LIMS2: variants seen among roughly 807,000 people sequenced by gnomAD.
LIMS2 encodes the protein LIM zinc finger domain containing 2, also known as LIM and senescent cell antigen-like-containing domain protein 2.
LIMS2 carries 30 observed loss-of-function variants against 45.3 expected under a neutral mutation model. That is an observed-to-expected ratio of 0.66 (90% CI 0.50 to 0.90). LIMS2 has a LOEUF of 0.90. Among genes scored for constraint, LIMS2 ranks in the 40% least tolerant of loss-of-function variants. The probability of loss-of-function intolerance (pLI) is 0.00; values close to 1 mark genes in which losing one functional copy is unlikely to be tolerated. For missense variants in LIMS2, 485 were observed against 468.7 expected, an observed-to-expected ratio of 1.03 and a Z score of -0.32; for synonymous variants, 173 against 188.0, an observed-to-expected ratio of 0.92 and a Z score of 0.65.
chr2:127,663,383 A>G (rs1684800977), intron 1 of LIMS2, among the ~76,000 whole-genome samples: 1 of 152,208 alleles, frequency 6.6e-6, no homozygotes, highest in Non-Finnish European at 1.5e-5. Context: ...GACTCCACAG[A>G]TGGCCGTGCT....
At position 127,654,513 on chromosome 2, in the gene LIMS2, G is replaced by A. The variant is rs367952043; in HGVS notation, c.270C>T (p.Ala90=). ...AGCCCGGGTGCCAGTTGTTGTTCAT[G>A]GCCTTGATGACGCGGCCAATGATGA... is the stretch of plus-strand genomic sequence containing the variant. ...GEFIIGRVIK[A]MNNNWHPGCF... is the part of the protein sequence containing the mutation. Residue 90 remains alanine, a synonymous_variant, in exon 4 of 10, where the codon GCC becomes GCT. Coordinates refer to ENST00000355119, the MANE Select transcript of LIMS2 (RefSeq NM_001161403.3). The A allele has an allele frequency of 3.7e-6, 6 of 1,614,030 alleles. No homozygotes were observed. Among genetic ancestry groups the A allele is most frequent in the Non-Finnish European group, 5.1e-6 (6 of 1,180,016 alleles).
At chr2:127,648,988 GGA>G (rs1469756330) in intron 4 of LIMS2, among the ~76,000 whole-genome samples, 140 of 25,246 alleles carry the variant, frequency 5.5e-3, no homozygotes, top group Non-Finnish European at 8.2e-3. Flanking sequence ...GGAGGGGAGG[GGA>G]GGGAGGGGAG....
Position 127,668,668 on chromosome 2 carries a change from C to CAAAAAAAAA in LIMS2, c.11+6337_11+6345dup, listed in dbSNP as rs70985469. On this transcript the variant is annotated intron_variant, in intron 1 of 9. Coordinates refer to ENST00000355119, the MANE Select transcript of LIMS2 (RefSeq NM_001161403.3). ...TGGGTGACAGAGTGAGACTCCGTCTCAAAAAAAAAAAAAAAAAAAAAAAAA... is the reference window on the plus strand; with the variant it reads ...TGGGTGACAGAGTGAGACTCCGTCTCAAAAAAAAAAAAAAAAAAAAAAAAAAAAAAAAAA... Among the ~76,000 whole-genome samples, 109 of 17,242 alleles carry CAAAAAAAAA rather than the reference C, an allele frequency of 6.3e-3. 14 individuals are homozygous for CAAAAAAAAA. Among genetic ancestry groups the CAAAAAAAAA allele is most frequent in the Non-Finnish European group, 7.6e-3 (69 of 9,046 alleles). The allele number at this position is 17,242 out of a possible 152,430, so 11.3% of individuals were successfully genotyped here.
intron 1 of LIMS2, 52 bp from the exon 2 acceptor site, chr2:127,657,614 G>A (rs1195522313): frequency 6.5e-7 from 1 of 1,532,574 alleles, no homozygotes; most frequent in Admixed American, 1.9e-5. Context: ...GGGTGCAGAT[G>A]GGGCACACGC....
At chr2:127,649,076 AAG>A (rs1216961172) in intron 4 of LIMS2, among the ~76,000 whole-genome samples, 2 of 134,176 alleles carry the variant, frequency 1.5e-5, no homozygotes, top group East Asian at 4.2e-4. Flanking sequence ...AGGAAGGAAA[AAG>A]AAAAGAAAAA....
chr2:127,675,244 G>A lies in LIMS2; in HGVS notation c.-220C>T, dbSNP rs1685458335. On this transcript the variant is annotated 5_prime_UTR_variant, in exon 1 of 10. Transcript: ENST00000355119. ...TGGGGAGGTCAAGGCTGAGGGTGGT[G>A]GGGGTGTTGGGGAGGTGACGGTGGG... 1.3e-5 allele frequency: 4 copies of A among 308,096 alleles called. No homozygotes were observed. The highest frequency in any genetic ancestry group is 4.6e-5 in the African/African-American group (2 of 43,552). The allele number at this position is 308,096 out of a possible 1,614,324, so 19.1% of individuals were successfully genotyped here. A position where few individuals can be genotyped will look rare whatever the true frequency, so the allele number is the denominator to read the frequency against.
chr2:127,651,239 G>A (rs780800290), intron 4 of LIMS2: 2 of 1,607,078 alleles, frequency 1.2e-6, no homozygotes, highest in Middle Eastern at 1.7e-4. Context: ...CGCTGCTGGT[G>A]AGCCCACAGA....
At chr2:127,650,057 G>A in intron 4 of LIMS2, 1 of 1,607,736 alleles carries the variant, frequency 6.2e-7, no homozygotes. Flanking sequence ...GCCCCCAAGA[G>A]AGATGCTGAA....
intron 4 of LIMS2, chr2:127,650,214 G>A (rs1342459177): frequency 6.7e-6 from 5 of 745,050 alleles, no homozygotes; most frequent in Non-Finnish European, 1.1e-5. Flanking sequence ...GCACCTGTGG[G>A]CAGGTGGGTC....
chr2:127,640,131 T>C lies in LIMS2; in HGVS notation c.817A>G (p.Asn273Asp). The change falls in exon 9 of 10, where the codon AAC (asparagine) becomes GAC (aspartate). Residue 273 changes from asparagine (N) to aspartate (D), a missense_variant. Coordinates refer to ENST00000355119, the MANE Select transcript of LIMS2 (RefSeq NM_001161403.3). ...VIEGDVVSALNKAWCVSCFSC... is the reference protein window; with the variant it reads ...VIEGDVVSALDKAWCVSCFSC... The stretch of plus-strand genomic sequence containing the variant: ...AAGCAGCTCACACACCAGGCCTTGT[T>C]GAGGGCCGACACCACTGTGAGGGAA... The C allele has an allele frequency of 6.2e-7, 1 of 1,613,406 alleles. No individual in the cohort carries two copies. Among genetic ancestry groups the C allele is most frequent in the Admixed American group, 1.7e-5 (1 of 60,024 alleles).
Position 127,670,378 on chromosome 2 carries a change from A to C in LIMS2, c.11+4636T>G, listed in dbSNP as rs530694427. ...TAATAAATGAAAGAAGCCAGGCACAAAAGGCTATATAATATATGGCTCCAT... is the reference window on the plus strand; with the variant it reads ...TAATAAATGAAAGAAGCCAGGCACACAAGGCTATATAATATATGGCTCCAT... On this transcript the variant is annotated intron_variant, in intron 1 of 9. Coordinates refer to ENST00000355119, the MANE Select transcript of LIMS2 (RefSeq NM_001161403.3). 2.6e-5 allele frequency among the ~76,000 whole-genome samples: 4 copies of C among 152,362 alleles called. No homozygotes were observed. The South Asian group carries it at 8.3e-4, about 32-fold the overall frequency.
chr2:127,672,359 T>G lies in LIMS2; in HGVS notation c.11+2655A>C, dbSNP rs1350555455. On this transcript the variant is annotated intron_variant, in intron 1 of 9. Transcript: ENST00000355119. This position sits in a 1 kb window ranked among gnomAD's most constrained non-coding sequence, Gnocchi z 4.9. ...TCTCTTCCCACGGCGTGCCACCCCA[T>G]GCTCTGGGCTGCCTTCACTCCCTGC... Among the ~76,000 whole-genome samples the G allele has an allele frequency of 6.6e-6, 1 of 152,140 alleles. No individual in the cohort carries two copies. The highest frequency in any genetic ancestry group is 6.5e-5 in the Admixed American group (1 of 15,276).
intron 3 of LIMS2, 119 bp from the exon 4 acceptor site, chr2:127,654,663 G>A (rs912641635): frequency 2.0e-5 from 31 of 1,525,462 alleles, no homozygotes; most frequent in South Asian, 7.2e-5. Flanking sequence ...GGGCTCCCTC[G>A]TGGGATGGTG....
chr2:127,650,487 C>T (rs535593551), intron 4 of LIMS2: 19 of 566,528 alleles, frequency 3.4e-5, no homozygotes, highest in Middle Eastern at 4.7e-4. Context: ...TGCATAGCGG[C>T]GAAATTCCAA....
chr2:127,679,512 G>T (rs892083512), upstream of LIMS2, among the ~76,000 whole-genome samples: 1 of 152,088 alleles, frequency 6.6e-6, no homozygotes, highest in Non-Finnish European at 1.5e-5. The surrounding 1 kb of genome is among the most constrained non-coding windows in gnomAD (Gnocchi z 5.3). Context: ...AGAAGGTGAA[G>T]GAGGTGCAGC....
chr2:127,659,645 C>T (rs1205478481), intron 1 of LIMS2, among the ~76,000 whole-genome samples: 1 of 152,224 alleles, frequency 6.6e-6, no homozygotes, highest in Non-Finnish European at 1.5e-5. Flanking sequence ...AGTCGGAAAT[C>T]AACAGGAAAT....
Position 127,664,309 on chromosome 2 carries a change from G to T in LIMS2, c.12-6747C>A, listed in dbSNP as rs2105329048. ...CGCCCCGCCCCTGGCCACCTACCCC[G>T]TGGCTGGCGGCGGGCTCTGCCGGTG... On this transcript the variant is annotated intron_variant, in intron 1 of 9. Transcript: ENST00000355119. The surrounding 1 kb of genome is among the most constrained non-coding windows in gnomAD (Gnocchi z 5.5). 1 of 1,233,946 alleles carries T rather than the reference G, an allele frequency of 8.1e-7. No individual in the cohort carries two copies. Among genetic ancestry groups the T allele is most frequent in the South Asian group, 3.7e-5 (1 of 27,058 alleles). 76.4% of individuals were successfully genotyped at this position (1,233,946 alleles called of 1,614,324 possible).
intron 1 of LIMS2, chr2:127,673,786 C>T (rs1225966622): frequency 1.9e-6 from 3 of 1,540,670 alleles, no homozygotes; most frequent in Non-Finnish European, 2.6e-6. Flanking sequence ...GGCAGGGATG[C>T]TCTGAGGAAA....
rs569848490 is a variant in LIMS2, at chr2:127,671,516, C to T, written c.11+3498G>A. On this transcript the variant is annotated intron_variant, in intron 1 of 9. Transcript: ENST00000355119. The surrounding 1 kb of genome is among the most constrained non-coding windows in gnomAD (Gnocchi z 4.1). The stretch of plus-strand genomic sequence containing the variant: ...GATAACCCGCTGTGGATAGAAAGCC[C>T]GGGCTCCTCTCCCCAGTGGCTCCCT... Among the ~76,000 whole-genome samples the T allele has an allele frequency of 2.6e-5, 4 of 152,272 alleles. No homozygotes were observed. Among genetic ancestry groups the T allele is most frequent in the African/African-American group, 4.8e-5 (2 of 41,550 alleles).
Sources: allele counts gnomAD v4.1 joint callset (sites outside exome capture counted in the v4.1 genomes callset), GRCh38; gene constraint gnomAD v4.1.1; non-coding constraint Gnocchi (gnomAD v3.1); transcripts MANE v1.5; gene names NCBI Gene and HGNC (gene_info 2026-07-23, HGNC 2026-07-21).